The following PRH1 variants were observed in gnomAD, a reference collection of about 807,000 sequenced individuals.
PRH1 encodes the protein salivary acidic proline-rich phosphoprotein 1/2.
A neutral mutation model predicts 7.9 loss-of-function variants in PRH1; 7 were observed. That is an observed-to-expected ratio of 0.89 (90% confidence interval 0.50 to 1.67). The LOEUF (loss-of-function observed/expected upper bound fraction) is 1.67. PRH1 is among the 40% of genes most tolerant of loss of function. PRH1 has a pLI of 0.00. For synonymous variants in PRH1, 45 were observed against 80.8 expected (o/e 0.56, Z 2.38); for missense variants, 109 against 223.6 (o/e 0.49, Z 3.27).
At chr12:11,137,192 T>A (rs1412980019) in intron 1 of PRH1, among the ~76,000 whole-genome samples, 4 of 149,102 alleles carry the variant, frequency 2.7e-5, no homozygotes, top group Admixed American at 6.8e-5. Flanking sequence ...CAACCACAGC[T>A]CCACCAATCT....
At chr12:11,097,935 T>C (rs1442339702) in intron 1 of PRH1, among the ~76,000 whole-genome samples, 1 of 92,704 alleles carries the variant, frequency 1.1e-5, no homozygotes, top group Non-Finnish European at 2.7e-5. Context: ...TCAAGAATAA[T>C]GTAAAACCAA....
At chr12:11,169,266 T>A (rs1947734942) in intron 1 of PRH1, among the ~76,000 whole-genome samples, 1 of 152,226 alleles carries the variant, frequency 6.6e-6, no homozygotes, top group African/African-American at 2.4e-5. Context: ...AAAAGAAGTG[T>A]GGATTAGGCA....
intron 2 of PRH1, among the ~76,000 whole-genome samples, chr12:10,891,233 G>C (rs576131788): frequency 6.6e-6 from 1 of 152,134 alleles, no homozygotes; most frequent in Non-Finnish European, 1.5e-5. Context: ...GCCACTACTC[G>C]GTGGTTAACT....
chr12:11,024,064 G>A (rs1941791896), intron 1 of PRH1, among the ~76,000 whole-genome samples: 1 of 152,186 alleles, frequency 6.6e-6, no homozygotes, highest in South Asian at 2.1e-4. Context: ...TCTGTGGTTG[G>A]CAGGTAACAT....
chr12:11,021,786 C>G (rs781770704), intron 1 of PRH1: 2 of 1,614,118 alleles, frequency 1.2e-6, no homozygotes, highest in African/African-American at 2.7e-5. Context: ...TTTGGCAAAG[C>G]AGGAGTACAA....
At chr12:10,900,366 G>A in intron 2 of PRH1, among the ~76,000 whole-genome samples, 1 of 152,216 alleles carries the variant, frequency 6.6e-6, no homozygotes, top group East Asian at 1.9e-4. Flanking sequence ...CCAGGACTGA[G>A]AGCAGGATAC....
At chr12:11,029,632 T>C (rs1255380197) in intron 1 of PRH1, among the ~76,000 whole-genome samples, 1 of 152,264 alleles carries the variant, frequency 6.6e-6, no homozygotes, top group African/African-American at 2.4e-5. Flanking sequence ...CGTTTCTAAC[T>C]GCATATGCAT....
At chr12:11,138,979 G>A (rs752233924) in intron 1 of PRH1, among the ~76,000 whole-genome samples, 2 of 152,174 alleles carry the variant, frequency 1.3e-5, no homozygotes, top group Non-Finnish European at 1.5e-5. Flanking sequence ...GGCAGAGGTT[G>A]CATTGAGCCG....
At chr12:11,027,291 AT>A (rs1430368871) in intron 1 of PRH1, among the ~76,000 whole-genome samples, 5 of 111,876 alleles carry the variant, frequency 4.5e-5, no homozygotes, top group Non-Finnish European at 9.7e-5. Context: ...TAATAATAAT[AT>A]ATTACTTGGT....
At chr12:11,011,858 T>C (rs1474964335) in intron 1 of PRH1, among the ~76,000 whole-genome samples, 1 of 152,094 alleles carries the variant, frequency 6.6e-6, no homozygotes, top group African/African-American at 2.4e-5. Flanking sequence ...CACACATACA[T>C]GCTCCTCATG....
intron 2 of PRH1, chr12:10,938,305 C>G: frequency 6.2e-7 from 1 of 1,613,474 alleles, no homozygotes; most frequent in South Asian, 1.1e-5. Flanking sequence ...CATCTTTGAA[C>G]ATGTACCTCA....
intron 1 of PRH1, chr12:10,997,598 T>C (rs772192464): frequency 1.2e-6 from 2 of 1,614,066 alleles, no homozygotes; most frequent in Admixed American, 1.7e-5. Flanking sequence ...GATGCTGAAA[T>C]GATTGGTTAC....
intron 1 of PRH1, chr12:11,134,148 T>C (rs1265765480): frequency 1.9e-6 from 3 of 1,614,072 alleles, no homozygotes; most frequent in East Asian, 4.5e-5. Flanking sequence ...ACCCACTCAA[T>C]GGAATTTACC....
chr12:10,944,365 T>C (rs754618918), intron 2 of PRH1, among the ~76,000 whole-genome samples: 1 of 152,138 alleles, frequency 6.6e-6, no homozygotes, highest in Non-Finnish European at 1.5e-5. Flanking sequence ...CCTTCCTGAT[T>C]TGATTGTTGT....
chr12:11,114,922 A>C, intron 1 of PRH1, among the ~76,000 whole-genome samples: 1 of 152,186 alleles, frequency 6.6e-6, no homozygotes, highest in East Asian at 1.9e-4. Context: ...AAAGCAAAAA[A>C]CTATATTATA....
intron 2 of PRH1, among the ~76,000 whole-genome samples, chr12:10,948,199 G>T (rs543188028): frequency 1.3e-5 from 2 of 152,326 alleles, no homozygotes; most frequent in South Asian, 4.1e-4. Flanking sequence ...AAGAGTTCAT[G>T]AATGATATTC....
intron 3 of PRH1, among the ~76,000 whole-genome samples, chr12:10,881,358 A>G (rs886896416): frequency 2.0e-5 from 3 of 152,244 alleles, no homozygotes; most frequent in South Asian, 2.1e-4. Context: ...ACTGCAACAT[A>G]TCATATAATA....
At position 11,061,254 on chromosome 12, in the gene PRH1, T is replaced by C. The variant is rs1943587279; in HGVS notation, n.124-14066A>G. ...GTAAAAGACTTTTCTAGGTACATGCTTGAAAGTTATTCATATACATACATT... is the reference window on the plus strand; with the variant it reads ...GTAAAAGACTTTTCTAGGTACATGCCTGAAAGTTATTCATATACATACATT... On this transcript the variant is annotated intron_variant and non_coding_transcript_variant, in intron 1 of 4. Transcript: ENST00000541977. 3 of 1,468,680 alleles carry C rather than the reference T, an allele frequency of 2.0e-6. No homozygotes were observed. In the South Asian group the frequency reaches 4.3e-5, roughly 21 times the overall value. The allele number at this position is 1,468,680 out of a possible 1,614,324, so 91.0% of individuals were successfully genotyped here.
intron 2 of PRH1, among the ~76,000 whole-genome samples, chr12:10,955,174 C>A (rs1399268887): frequency 1.3e-5 from 2 of 152,068 alleles, no homozygotes; most frequent in Admixed American, 1.3e-4. Context: ...ATCAGCCACA[C>A]AACCTAACAT....
Sources: gnomAD v4.1 joint callset for allele counts (sites outside exome capture counted in the v4.1 genomes callset) on GRCh38, gnomAD v4.1.1 for gene constraint, MANE v1.5 for transcripts, NCBI Gene and HGNC (gene_info 2026-07-23, HGNC 2026-07-21) for gene names.